Variants in MORC1 observed in about 807,000 individuals in gnomAD.
The protein encoded by MORC1 is MORC family CW-type zinc finger 1.
MORC1 carries 59 observed loss-of-function variants against 134.9 expected under a neutral mutation model. The observed-to-expected ratio is 0.44, with a 90% CI of 0.35 to 0.54. MORC1 has a LOEUF of 0.54. MORC1 is among the 20% of genes least tolerant of loss of function. MORC1 has a pLI of 0.00. For synonymous variants in MORC1, 395 were observed against 391.7 expected (o/e 1.01, Z -0.10); for missense variants, 947 against 1,134.5 (o/e 0.83, Z 2.37).
chr3:109,058,701 G>A (rs1322630440), intron 12 of MORC1, among the ~76,000 whole-genome samples: 8 of 151,986 alleles, frequency 5.3e-5, no homozygotes, highest in East Asian at 1.9e-4. Flanking sequence ...TCACTACTCA[G>A]TAATGAGATC....
chr3:109,077,395 C>CA (rs1369670634), intron 8 of MORC1, among the ~76,000 whole-genome samples: 10 of 151,878 alleles, frequency 6.6e-5, no homozygotes, highest in African/African-American at 1.9e-4. Context: ...TAAAATCCTA[C>CA]AAAAAATAAT....
At chr3:108,994,786 T>G (rs182835581) in intron 21 of MORC1, among the ~76,000 whole-genome samples, 10 of 152,234 alleles carry the variant, frequency 6.6e-5, no homozygotes, top group Non-Finnish European at 1.3e-4. Context: ...CCCCTGGTGT[T>G]CCTCAGTTTT....
At chr3:109,066,582 A>G (rs940656623) in intron 9 of MORC1, among the ~76,000 whole-genome samples, 4 of 152,140 alleles carry the variant, frequency 2.6e-5, no homozygotes, top group Non-Finnish European at 5.9e-5. Flanking sequence ...CACTGCACCC[A>G]GCCCAGGAAT....
intron 23 of MORC1, among the ~76,000 whole-genome samples, chr3:108,982,180 A>T (rs1947744252): frequency 6.6e-6 from 1 of 152,234 alleles, no homozygotes; most frequent in Non-Finnish European, 1.5e-5. Flanking sequence ...CACCAGAGAA[A>T]TGCAAATCAA....
Position 109,072,962 on chromosome 3 carries a change from C to G in MORC1, c.690-3205G>C, listed in dbSNP as rs868229729. On this transcript the variant is annotated intron_variant, in intron 8 of 27. Coordinates refer to ENST00000232603, the MANE Select transcript of MORC1 (RefSeq NM_014429.4). ...ACACACACACACACACACACACACA[C>G]ACATACACACACACACACACACAGT... Among the ~76,000 whole-genome samples the G allele has an allele frequency of 2.2e-4, 4 of 18,464 alleles. No homozygotes were observed. In the East Asian group the frequency reaches 0.038, roughly 178 times the overall value. 12.1% of individuals were successfully genotyped at this position (18,464 alleles called of 152,430 possible). A position where few individuals can be genotyped will look rare whatever the true frequency, so the allele number is the denominator to read the frequency against.
At chr3:109,050,635 A>G (rs1445608132) in intron 14 of MORC1, among the ~76,000 whole-genome samples, 1 of 152,204 alleles carries the variant, frequency 6.6e-6, no homozygotes, top group Non-Finnish European at 1.5e-5. Flanking sequence ...CTCAGAGAAG[A>G]CAGACCATGT....
chr3:109,055,777 G>A (rs546634719), intron 13 of MORC1, among the ~76,000 whole-genome samples: 11 of 152,142 alleles, frequency 7.2e-5, no homozygotes, highest in Admixed American at 1.3e-4. Flanking sequence ...CTCTTTTACC[G>A]AAGGGTGGCA....
Position 109,098,661 on chromosome 3 carries a change from CAGT to C in MORC1, c.423+694_423+696del, listed in dbSNP as rs539061052. On this transcript the variant is annotated intron_variant, in intron 6 of 27. Transcript: ENST00000232603. ...ATCATTGCTTTTGATAATCTGGTAA[CAGT>C]AGCCACACAGACTCATTGAGGAGCA... is the stretch of plus-strand genomic sequence containing the variant. Among the ~76,000 whole-genome samples, 825 of 152,308 alleles carry C rather than the reference CAGT, an allele frequency of 5.4e-3. 4 individuals are homozygous for C. Among genetic ancestry groups the C allele is most frequent in the Non-Finnish European group, 8.1e-3 (552 of 68,034 alleles).
chr3:109,042,466 CT>C (rs1949575477), intron 14 of MORC1, among the ~76,000 whole-genome samples: 1 of 152,162 alleles, frequency 6.6e-6, no homozygotes, highest in Non-Finnish European at 1.5e-5. Flanking sequence ...GAAACAAACC[CT>C]AACACTGGTG....
At chr3:109,104,664 A>G (rs1950990027) in intron 3 of MORC1, among the ~76,000 whole-genome samples, 1 of 152,112 alleles carries the variant, frequency 6.6e-6, no homozygotes, top group Admixed American at 6.5e-5. Context: ...TGTCTCTAAA[A>G]TAAATTAATA....
intron 14 of MORC1, among the ~76,000 whole-genome samples, chr3:109,038,201 G>A (rs776107304): frequency 1.2e-4 from 19 of 152,092 alleles, no homozygotes; most frequent in Non-Finnish European, 2.4e-4. Flanking sequence ...CAGTGATGAT[G>A]AGCATTTTTT....
rs953160498 is a variant in MORC1, at chr3:109,096,825, C to G, written c.424-1757G>C. Among the ~76,000 whole-genome samples the G allele has an allele frequency of 3.3e-5, 5 of 151,914 alleles. No homozygotes were observed. The East Asian group carries it at 9.7e-4, about 29-fold the overall frequency. On this transcript the variant is annotated intron_variant, in intron 6 of 27. Transcript: ENST00000232603. ...TCTCTCTTGGGGTCTGGGATCAGAC[C>G]CCTTTCTGGTAACAAAAGGGTTCAA...
intron 8 of MORC1, among the ~76,000 whole-genome samples, chr3:109,079,650 C>T (rs1209178080): frequency 6.6e-6 from 1 of 151,806 alleles, no homozygotes; most frequent in East Asian, 1.9e-4. Flanking sequence ...AACTAGCCAA[C>T]TAAATTAAGA....
At chr3:109,094,836 T>G (rs1246524783) in intron 7 of MORC1, 73 bp downstream of exon 7, 1 of 1,375,950 alleles carries the variant, frequency 7.3e-7, no homozygotes, top group Non-Finnish European at 9.6e-7. Context: ...AATGAAAACA[T>G]ATGTACAGTG....
intron 13 of MORC1, among the ~76,000 whole-genome samples, chr3:109,055,866 G>A (rs1553756492): frequency 6.6e-6 from 1 of 152,180 alleles, no homozygotes; most frequent in Non-Finnish European, 1.5e-5. Context: ...TAATGCAGGT[G>A]CTGTGATATG....
intron 7 of MORC1, among the ~76,000 whole-genome samples, chr3:109,094,220 T>A (rs879657591): frequency 6.6e-5 from 10 of 152,170 alleles, no homozygotes; most frequent in Non-Finnish European, 1.5e-4. Context: ...CAAGGCATGA[T>A]TAACAAAAAA....
chr3:108,969,595 G>T (rs1947317607), intron 26 of MORC1, 74 bp downstream of exon 26: 1 of 1,418,030 alleles, frequency 7.1e-7, no homozygotes, highest in Non-Finnish European at 1.0e-6. Flanking sequence ...CTAACATTTG[G>T]AAATGTACAT....
intron 8 of MORC1, among the ~76,000 whole-genome samples, chr3:109,082,579 T>C (rs1950543887): frequency 6.6e-6 from 1 of 152,014 alleles, no homozygotes; most frequent in African/African-American, 2.4e-5. Flanking sequence ...TTTAATAAAG[T>C]GATTGAAATA....
chr3:109,051,173 C>G (rs1464254068), intron 14 of MORC1, among the ~76,000 whole-genome samples: 1 of 152,176 alleles, frequency 6.6e-6, no homozygotes, highest in East Asian at 1.9e-4. Context: ...TTAGCATCAG[C>G]TGGGCCAAAA....
Sources: gnomAD v4.1 joint callset for allele counts (sites outside exome capture counted in the v4.1 genomes callset) on GRCh38, gnomAD v4.1.1 for gene constraint, MANE v1.5 for transcripts, NCBI Gene and HGNC (gene_info 2026-07-23, HGNC 2026-07-21) for gene names.